The following PAFAH2 variants were observed in gnomAD, a reference collection of about 807,000 sequenced individuals.
PAFAH2 encodes the protein platelet activating factor acetylhydrolase 2, also known as platelet-activating factor acetylhydrolase 2, cytoplasmic.
PAFAH2 carries 42 observed loss-of-function variants against 49.0 expected under a neutral mutation model. That is an observed-to-expected ratio of 0.86 (90% CI 0.67 to 1.11). PAFAH2 has a LOEUF of 1.11. PAFAH2 is among the 50% of genes least tolerant of loss of function. PAFAH2 has a pLI of 0.00. For missense variants in PAFAH2, 503 were observed against 501.8 expected (o/e 1.00, Z -0.02); for synonymous variants, 184 against 181.3 (o/e 1.01, Z -0.12).
chr1:25,979,236 CT>C (rs1192797375), intron 7 of PAFAH2, among the ~76,000 whole-genome samples: 1 of 151,492 alleles, frequency 6.6e-6, no homozygotes, highest in Non-Finnish European at 1.5e-5. Context: ...ATGTACTTAG[CT>C]TTTTTAATAT....
At chr1:25,984,958 G>A (rs1199228192) in intron 4 of PAFAH2, among the ~76,000 whole-genome samples, 1 of 150,208 alleles carries the variant, frequency 6.7e-6, no homozygotes, top group African/African-American at 2.4e-5. Flanking sequence ...GGGGTCAAGT[G>A]ATTCTCCTGC....
intron 10 of PAFAH2, among the ~76,000 whole-genome samples, chr1:25,971,825 T>C (rs978683474): frequency 6.6e-6 from 1 of 152,210 alleles, no homozygotes; most frequent in African/African-American, 2.4e-5. Flanking sequence ...CTATGACTGA[T>C]GACATTATTC....
At chr1:25,983,625 C>T (rs2049729740) in intron 6 of PAFAH2, among the ~76,000 whole-genome samples, 1 of 151,788 alleles carries the variant, frequency 6.6e-6, no homozygotes, top group South Asian at 2.1e-4. Context: ...ATGAGACCCA[C>T]CAACCAAGAG....
At chr1:25,996,035 C>T (rs952122791) in intron 1 of PAFAH2, among the ~76,000 whole-genome samples, 1 of 152,144 alleles carries the variant, frequency 6.6e-6, no homozygotes, top group African/African-American at 2.4e-5. Context: ...AAACTCTAAG[C>T]TTCTGATAAT....
At chr1:25,990,238 C>G (rs2124366633) in intron 2 of PAFAH2, among the ~76,000 whole-genome samples, 1 of 152,184 alleles carries the variant, frequency 6.6e-6, no homozygotes, top group East Asian at 1.9e-4. Flanking sequence ...CTCGTCTCTA[C>G]TATATATACA....
intron 1 of PAFAH2, among the ~76,000 whole-genome samples, chr1:25,993,430 G>C (rs142974847): frequency 3.9e-4 from 59 of 152,148 alleles, no homozygotes; most frequent in Non-Finnish European, 6.9e-4. Context: ...ACCAAGGTCC[G>C]GAGAGATTAA....
At chr1:25,984,845 CTTT>C (rs34522205) in intron 4 of PAFAH2, among the ~76,000 whole-genome samples, 2 of 104,270 alleles carry the variant, frequency 1.9e-5, no homozygotes, top group African/African-American at 3.6e-5. Flanking sequence ...AGAGAGATTT[CTTT>C]TTTTTTTTTT....
intron 7 of PAFAH2, among the ~76,000 whole-genome samples, chr1:25,977,014 C>CTTT (rs201548055): frequency 1.9e-4 from 17 of 88,364 alleles, no homozygotes; most frequent in African/African-American, 6.3e-4. Flanking sequence ...TTCATGTTTA[C>CTTT]TTTTTTTTTT....
chr1:25,997,252 C>T (rs1365356852), intron 1 of PAFAH2, among the ~76,000 whole-genome samples: 1 of 152,142 alleles, frequency 6.6e-6, no homozygotes, highest in East Asian at 1.9e-4. Context: ...TCATCCAGCT[C>T]GTAGACAATG....
intron 10 of PAFAH2, among the ~76,000 whole-genome samples, chr1:25,963,111 T>C (rs2049364266): frequency 6.6e-6 from 1 of 152,128 alleles, no homozygotes; most frequent in African/African-American, 2.4e-5. Context: ...AGATGAATGG[T>C]GTCCTTCCTC....
intron 9 of PAFAH2, among the ~76,000 whole-genome samples, chr1:25,973,676 C>A (rs912327085): frequency 6.6e-6 from 1 of 152,166 alleles, no homozygotes; most frequent in South Asian, 2.1e-4. Flanking sequence ...AGGGAAGAAG[C>A]CACTGGCCAT....
In PAFAH2 at chr1:25,960,192, C is replaced by T. The variant is rs979079563; in HGVS notation, c.*1797G>A. On this transcript the variant is annotated 3_prime_UTR_variant, in exon 11 of 11. Transcript: ENST00000374282. The stretch of plus-strand genomic sequence containing the variant: ...TATGTCTCATGGGAATTCAAAGATC[C>T]TCCCTCACAGCCTCAACGATCTGCT... The T allele has an allele frequency of 2.0e-5, 3 of 152,254 alleles. No individual in the cohort carries two copies. The highest frequency in any genetic ancestry group is 6.5e-5 in the Admixed American group (1 of 15,274). 9.4% of individuals were successfully genotyped at this position (152,254 alleles called of 1,614,324 possible). A position where few individuals can be genotyped will look rare whatever the true frequency, so the allele number is the denominator to read the frequency against.
At chr1:25,978,816 C>G (rs564238730) in intron 7 of PAFAH2, among the ~76,000 whole-genome samples, 1 of 152,332 alleles carries the variant, frequency 6.6e-6, no homozygotes, top group East Asian at 1.9e-4. Flanking sequence ...GAGAGAAATA[C>G]ATTTATACTG....
At chr1:25,989,287 A>C (rs2049836730) in intron 3 of PAFAH2, among the ~76,000 whole-genome samples, 161 bp downstream of exon 3, 1 of 152,166 alleles carries the variant, frequency 6.6e-6, no homozygotes, top group South Asian at 2.1e-4. Flanking sequence ...AAGCTCTTTC[A>C]TATGTAATTC....
intron 7 of PAFAH2, among the ~76,000 whole-genome samples, chr1:25,980,352 C>T (rs2049664638): frequency 6.6e-6 from 1 of 151,288 alleles, no homozygotes; most frequent in South Asian, 2.1e-4. Context: ...GAGACGGAGT[C>T]TCGCCCTGTC....
chr1:25,989,459 T>C lies in PAFAH2; in HGVS notation c.233A>G (p.Asn78Ser). ...FNKRCGGLLF[N>S]LAVGSCRLPV... ...AGGCCAGCCCTTACCCACCGCCAGGTTGAACAGCAAGCCCCCGCAGCGCTT... is the reference window on the plus strand; with the variant it reads ...AGGCCAGCCCTTACCCACCGCCAGGCTGAACAGCAAGCCCCCGCAGCGCTT... The change falls in exon 3 of 11, where the codon AAC becomes AGC. Residue 78 changes from asparagine (N) to serine (S), a missense_variant. By Grantham distance (46) the Asn-to-Ser change is conservative (BLOSUM62 1). Transcript: ENST00000374282. The C allele has an allele frequency of 6.3e-7, 1 of 1,598,912 alleles. No homozygotes were observed. Among genetic ancestry groups the C allele is most frequent in the Non-Finnish European group, 8.5e-7 (1 of 1,172,382 alleles).
In PAFAH2 at chr1:25,960,097, G is replaced by A. The variant is rs1272776015; in HGVS notation, c.*1892C>T. The A allele has an allele frequency of 2.0e-5, 3 of 151,834 alleles. No homozygotes were observed. Among genetic ancestry groups the A allele is most frequent in the Non-Finnish European group, 4.4e-5 (3 of 67,886 alleles). 9.4% of individuals were successfully genotyped at this position (151,834 alleles called of 1,614,324 possible). A position where few individuals can be genotyped will look rare whatever the true frequency, so the allele number is the denominator to read the frequency against. ...GCTCAAATTTACCCAGTTGGCAGTG[G>A]TGGAGCCAGGACTCAAAACCAGGCT... On this transcript the variant is annotated 3_prime_UTR_variant, in exon 11 of 11. Coordinates refer to ENST00000374282, the MANE Select transcript of PAFAH2 (RefSeq NM_000437.4).
intron 1 of PAFAH2, among the ~76,000 whole-genome samples, chr1:25,994,344 T>A (rs2049912333): frequency 6.6e-6 from 1 of 152,124 alleles, no homozygotes; most frequent in Non-Finnish European, 1.5e-5. Flanking sequence ...TTGCCCAGGC[T>A]GGTCTCAACC....
intron 10 of PAFAH2, among the ~76,000 whole-genome samples, chr1:25,965,273 T>G (rs1413493635): frequency 6.6e-6 from 1 of 152,166 alleles, no homozygotes; most frequent in Non-Finnish European, 1.5e-5. Flanking sequence ...TCAAGATGGA[T>G]TAAAGACTTA....
Sources: allele counts gnomAD v4.1 joint callset (sites outside exome capture counted in the v4.1 genomes callset), GRCh38; gene constraint gnomAD v4.1.1; transcripts MANE v1.5; gene names NCBI Gene and HGNC (gene_info 2026-07-23, HGNC 2026-07-21).